CHN2: variants seen among roughly 807,000 people sequenced by gnomAD.
CHN2 encodes the protein beta-chimaerin.
In CHN2, 35 loss-of-function variants were observed where a neutral mutation model predicts 56.3. That is an observed-to-expected ratio of 0.62 (90% confidence interval 0.47 to 0.82). The LOEUF (loss-of-function observed/expected upper bound fraction) is 0.82. CHN2 is among the 40% of genes least tolerant of loss of function. The pLI, the probability that CHN2 is intolerant of heterozygous loss-of-function variation, is 0.00. For synonymous variants in CHN2, 210 were observed against 212.8 expected, an observed-to-expected ratio of 0.99 and a Z score of 0.12; for missense variants, 491 against 580.5, an observed-to-expected ratio of 0.85 and a Z score of 1.58.
intron 1 of CHN2, among the ~76,000 whole-genome samples, chr7:29,282,006 G>C (rs1791760271): frequency 6.6e-6 from 1 of 152,238 alleles, no homozygotes; most frequent in Non-Finnish European, 1.5e-5. Flanking sequence ...AGAGACAGTT[G>C]TGTTGACTCG....
At chr7:29,196,482 C>G (rs1175837486) in intron 1 of CHN2, among the ~76,000 whole-genome samples, 1 of 152,238 alleles carries the variant, frequency 6.6e-6, no homozygotes, top group Non-Finnish European at 1.5e-5. Context: ...TTAGTACCCT[C>G]AAACCACTGC....
At chr7:29,278,616 C>T (rs1405542348) in intron 1 of CHN2, among the ~76,000 whole-genome samples, 1 of 152,164 alleles carries the variant, frequency 6.6e-6, no homozygotes, top group Non-Finnish European at 1.5e-5. Flanking sequence ...TGGGAGAGCC[C>T]TGGGCACCCC....
intron 3 of CHN2, chr7:29,380,925 C>A (rs891273723): frequency 2.0e-5 from 3 of 152,142 alleles, no homozygotes; most frequent in Non-Finnish European, 4.4e-5. Context: ...TGAGGAAGAA[C>A]AGGCGATCTA....
intron 6 of CHN2, among the ~76,000 whole-genome samples, chr7:29,450,763 A>G (rs1784346639): frequency 6.7e-6 from 1 of 148,220 alleles, no homozygotes; most frequent in Admixed American, 6.7e-5. Flanking sequence ...TGGTAGGTAC[A>G]TTACTTCATT....
chr7:29,348,709 T>C (rs1797654070), intron 1 of CHN2, among the ~76,000 whole-genome samples: 2 of 152,200 alleles, frequency 1.3e-5, no homozygotes, highest in African/African-American at 4.8e-5. Context: ...TGTTGGGTCT[T>C]TTTATATCTA....
Position 29,400,551 on chromosome 7 carries a change from A to G in CHN2, c.299A>G (p.Asn100Ser). 1 of 1,613,916 alleles carries G rather than the reference A, an allele frequency of 6.2e-7. No homozygotes were observed. Among genetic ancestry groups the G allele is most frequent in the Non-Finnish European group, 8.5e-7 (1 of 1,179,904 alleles). ...CATTCTCTCACGGGCAGGTTTGGAA[A>G]CCAGACCTTAAACTACAGGCTCTTC... ...GCYTLALRFG[N>S]QTLNYRLFHD... Residue 100 changes from asparagine (N) to serine (S), a missense_variant, in exon 6 of 13, where the codon AAC becomes AGC. Coordinates refer to ENST00000222792, the MANE Select transcript of CHN2 (RefSeq NM_004067.4).
At chr7:29,323,034 G>A (rs1795481947) in intron 1 of CHN2, among the ~76,000 whole-genome samples, 2 of 152,140 alleles carry the variant, frequency 1.3e-5, no homozygotes, top group Admixed American at 6.5e-5. Flanking sequence ...TGCACCTGTA[G>A]TCTCAGCTAC....
At chr7:29,375,194 T>TC in intron 3 of CHN2, among the ~76,000 whole-genome samples, 1 of 75,956 alleles carries the variant, frequency 1.3e-5, no homozygotes, top group South Asian at 6.3e-4. Context: ...TCGGCCCTTT[T>TC]TTTTTTTTTT....
At chr7:29,293,898 G>T (rs1284831117) in intron 1 of CHN2, among the ~76,000 whole-genome samples, 1 of 119,008 alleles carries the variant, frequency 8.4e-6, no homozygotes, top group African/African-American at 3.4e-5. Flanking sequence ...ACGGAGTCTC[G>T]CTGTGTCGCC....
At chr7:29,213,924 C>T (rs1351511371) in intron 1 of CHN2, among the ~76,000 whole-genome samples, 3 of 152,024 alleles carry the variant, frequency 2.0e-5, no homozygotes, top group African/African-American at 7.2e-5. Context: ...AATCTTTGTG[C>T]ATACATTCAC....
At chr7:29,494,981 A>AAAAAAAAAAT (rs1789108533) in intron 7 of CHN2, among the ~76,000 whole-genome samples, 1 of 134,932 alleles carries the variant, frequency 7.4e-6, no homozygotes, top group Non-Finnish European at 1.6e-5. Flanking sequence ...AAAAAAAAAA[A>AAAAAAAAAAT]TTGTCTACAT....
intron 6 of CHN2, among the ~76,000 whole-genome samples, chr7:29,459,486 G>T (rs1784995386): frequency 6.6e-6 from 1 of 152,158 alleles, no homozygotes; most frequent in Non-Finnish European, 1.5e-5. Context: ...TCCCCTGCAG[G>T]TTGTTCATGA....
chr7:29,272,160 T>C (rs1007673120), intron 1 of CHN2, among the ~76,000 whole-genome samples: 5 of 152,100 alleles, frequency 3.3e-5, no homozygotes, highest in Admixed American at 6.6e-5. Context: ...GGATGGGCCG[T>C]TCTCCTGCCC....
intron 3 of CHN2, among the ~76,000 whole-genome samples, chr7:29,382,648 T>C (rs1034064908): frequency 2.0e-5 from 3 of 152,194 alleles, no homozygotes; most frequent in Non-Finnish European, 2.9e-5. Context: ...GGAGCTCACA[T>C]TGAGAGCTCA....
At chr7:29,394,522 C>T (rs1279007802) in intron 4 of CHN2, among the ~76,000 whole-genome samples, 1 of 152,184 alleles carries the variant, frequency 6.6e-6, no homozygotes, top group Admixed American at 6.5e-5. Flanking sequence ...TGATTAATGA[C>T]CCTCTTAGGG....
At chr7:29,435,896 T>C (rs1396746585) in intron 6 of CHN2, among the ~76,000 whole-genome samples, 1 of 148,888 alleles carries the variant, frequency 6.7e-6, no homozygotes, top group Non-Finnish European at 1.5e-5. Flanking sequence ...AGCGCCTCCT[T>C]TTTTTTTTTT....
chr7:29,359,635 C>G (rs970583596), intron 2 of CHN2, among the ~76,000 whole-genome samples: 2 of 152,210 alleles, frequency 1.3e-5, no homozygotes, highest in African/African-American at 4.8e-5. Context: ...CATACATCTG[C>G]AGCTAATTCT....
intron 6 of CHN2, among the ~76,000 whole-genome samples, chr7:29,432,507 G>A (rs1267927403): frequency 2.0e-5 from 3 of 152,078 alleles, no homozygotes; most frequent in Admixed American, 2.0e-4. Context: ...GCTTTTCAAG[G>A]TTGGCCAATT....
Position 29,437,448 on chromosome 7 carries a change from A to G in CHN2, c.576+36620A>G, listed in dbSNP as rs945041131. On this transcript the variant is annotated intron_variant, in intron 6 of 12. Coordinates refer to ENST00000222792, the MANE Select transcript of CHN2 (RefSeq NM_004067.4). ...CCCGTCTCTACTAAAAATACAAAAA[A>G]TTAGCCGGGCGTGGTGGCGGGCGCC... Among the ~76,000 whole-genome samples, 47 of 131,906 alleles carry G rather than the reference A, an allele frequency of 3.6e-4. 8 individuals carry two copies. Among genetic ancestry groups the G allele is most frequent in the Non-Finnish European group, 7.1e-4 (45 of 62,986 alleles). The allele number at this position is 131,906 out of a possible 152,430, so 86.5% of individuals were successfully genotyped here. A position where few individuals can be genotyped will look rare whatever the true frequency, so the allele number is the denominator to read the frequency against.
Sources: gnomAD v4.1 joint callset for allele counts (sites outside exome capture counted in the v4.1 genomes callset) on GRCh38, gnomAD v4.1.1 for gene constraint, MANE v1.5 for transcripts, NCBI Gene and HGNC (gene_info 2026-07-23, HGNC 2026-07-21) for gene names.